KCNIP1: variants seen among roughly 807,000 people sequenced by gnomAD.
The protein encoded by KCNIP1 is A-type potassium channel modulatory protein KCNIP1.
KCNIP1 carries 18 observed loss-of-function variants against 33.0 expected under a neutral mutation model. The ratio of observed to expected loss-of-function variants is 0.55; its 90% confidence interval spans 0.38 to 0.81. The LOEUF is 0.81. KCNIP1 is among the 30% of genes least tolerant of loss of function. KCNIP1 has a pLI of 0.00. For missense variants in KCNIP1, 238 were observed against 271.6 expected, an observed-to-expected ratio of 0.88 and a Z score of 0.87; for synonymous variants, 93 against 98.3, an observed-to-expected ratio of 0.95 and a Z score of 0.32.
intron 1 of KCNIP1, among the ~76,000 whole-genome samples, chr5:170,548,024 C>A (rs1263652831): frequency 6.6e-6 from 1 of 152,144 alleles, no homozygotes; most frequent in African/African-American, 2.4e-5. Flanking sequence ...CACAACCTCG[C>A]CAGCATCTGT....
intron 1 of KCNIP1, among the ~76,000 whole-genome samples, chr5:170,393,768 C>T (rs931000562): frequency 4.0e-5 from 6 of 151,714 alleles, no homozygotes; most frequent in Non-Finnish European, 7.4e-5. Context: ...GTGATACTCA[C>T]TCCTTTTTCC....
chr5:170,426,620 G>A (rs962921348), intron 1 of KCNIP1, among the ~76,000 whole-genome samples: 9 of 152,258 alleles, frequency 5.9e-5, no homozygotes, highest in African/African-American at 2.2e-4. Context: ...AGCATGGAGG[G>A]CAGTCTGCAC....
At chr5:170,724,869 A>G (rs927452843) in intron 5 of KCNIP1, among the ~76,000 whole-genome samples, 1 of 152,228 alleles carries the variant, frequency 6.6e-6, no homozygotes, top group East Asian at 1.9e-4. Flanking sequence ...GGAAGGCCCA[A>G]TATAGTTAAG....
intron 1 of KCNIP1, among the ~76,000 whole-genome samples, chr5:170,393,494 C>T (rs1442767848): frequency 6.6e-6 from 1 of 152,156 alleles, no homozygotes; most frequent in Non-Finnish European, 1.5e-5. Flanking sequence ...ACCACTGTGC[C>T]GAGGTGACTC....
chr5:170,481,117 C>A (rs986137722), intron 1 of KCNIP1, among the ~76,000 whole-genome samples: 1 of 152,184 alleles, frequency 6.6e-6, no homozygotes, highest in Non-Finnish European at 1.5e-5. Flanking sequence ...TTGATTATAG[C>A]CATCAATCTT....
intron 4 of KCNIP1, among the ~76,000 whole-genome samples, chr5:170,722,224 G>A (rs575490647): frequency 1.3e-5 from 2 of 152,162 alleles, no homozygotes; most frequent in East Asian, 1.9e-4. Flanking sequence ...AACCCTATAG[G>A]GTAGGGTTTT....
At chr5:170,452,729 ACT>A (rs1561632910) in intron 1 of KCNIP1, among the ~76,000 whole-genome samples, 1 of 152,032 alleles carries the variant, frequency 6.6e-6, no homozygotes, top group Non-Finnish European at 1.5e-5. Flanking sequence ...GCGAACTGTT[ACT>A]CTCTGTCAGT....
At chr5:170,366,721 G>A (rs1763672026) in intron 1 of KCNIP1, among the ~76,000 whole-genome samples, 1 of 152,184 alleles carries the variant, frequency 6.6e-6, no homozygotes, top group Non-Finnish European at 1.5e-5. Context: ...TCAAAACGGA[G>A]CCTCCTCTGG....
At chr5:170,671,105 T>C (rs1761905415) in intron 1 of KCNIP1, among the ~76,000 whole-genome samples, 1 of 152,080 alleles carries the variant, frequency 6.6e-6, no homozygotes, top group Non-Finnish European at 1.5e-5. Flanking sequence ...TTGTCCCCCA[T>C]TCTGTTCTCT....
At chr5:170,460,538 T>C (rs1239957703) in intron 1 of KCNIP1, among the ~76,000 whole-genome samples, 4 of 152,070 alleles carry the variant, frequency 2.6e-5, no homozygotes, top group Non-Finnish European at 5.9e-5. Context: ...GTTTAACATA[T>C]GCAAAGTCAA....
intron 1 of KCNIP1, among the ~76,000 whole-genome samples, chr5:170,438,869 T>C (rs1755925600): frequency 6.6e-6 from 1 of 152,216 alleles, no homozygotes; most frequent in Non-Finnish European, 1.5e-5. Context: ...ACTGTGGTGC[T>C]GGAAACATCC....
intron 1 of KCNIP1, among the ~76,000 whole-genome samples, chr5:170,432,943 TC>T (rs1755776500): frequency 6.6e-6 from 1 of 152,090 alleles, no homozygotes; most frequent in African/African-American, 2.4e-5. Context: ...TGGGGCCTGG[TC>T]TAAGCGATCA....
chr5:170,686,237 C>T (rs1762533805), intron 1 of KCNIP1, among the ~76,000 whole-genome samples: 1 of 151,914 alleles, frequency 6.6e-6, no homozygotes, highest in Non-Finnish European at 1.5e-5. Flanking sequence ...TTTCTCTCTC[C>T]AGAGAGAAAG....
At chr5:170,708,898 C>T (rs1763352420) in intron 1 of KCNIP1, among the ~76,000 whole-genome samples, 1 of 151,458 alleles carries the variant, frequency 6.6e-6, no homozygotes, top group South Asian at 2.1e-4. Context: ...GACCCTGTCT[C>T]AAAAAAAGAA....
intron 1 of KCNIP1, among the ~76,000 whole-genome samples, chr5:170,578,183 G>C (rs928544913): frequency 6.6e-6 from 1 of 152,206 alleles, no homozygotes; most frequent in African/African-American, 2.4e-5. Context: ...AGAGTGAGAA[G>C]GGGGGAAAGA....
chr5:170,428,571 C>T (rs758167698), intron 1 of KCNIP1, among the ~76,000 whole-genome samples: 2 of 152,240 alleles, frequency 1.3e-5, no homozygotes, highest in African/African-American at 2.4e-5. Flanking sequence ...AGAGCAGCTC[C>T]GTTATGTCCA....
At chr5:170,588,962 G>A (rs1311115277) in intron 1 of KCNIP1, among the ~76,000 whole-genome samples, 1 of 150,104 alleles carries the variant, frequency 6.7e-6, no homozygotes, top group Non-Finnish European at 1.5e-5. Context: ...CCTCTTCAGG[G>A]TTGCTGTGGG....
intron 1 of KCNIP1, among the ~76,000 whole-genome samples, chr5:170,476,129 C>G (rs1489695972): frequency 6.6e-6 from 1 of 152,120 alleles, no homozygotes; most frequent in Non-Finnish European, 1.5e-5. Context: ...TGCCACCATG[C>G]CTCGCTAATT....
At chr5:170,443,344 G>A (rs1489189638) in intron 1 of KCNIP1, among the ~76,000 whole-genome samples, 1 of 152,074 alleles carries the variant, frequency 6.6e-6, no homozygotes, top group Non-Finnish European at 1.5e-5. Context: ...AATGCATGGG[G>A]AGGGCTTGGA....
Sources: gnomAD v4.1 joint callset for allele counts (sites outside exome capture counted in the v4.1 genomes callset) on GRCh38, gnomAD v4.1.1 for gene constraint, MANE v1.5 for transcripts, NCBI Gene and HGNC (gene_info 2026-07-23, HGNC 2026-07-21) for gene names.